HECW2: variants seen among roughly 807,000 people sequenced by gnomAD.
HECW2 encodes the protein E3 ubiquitin-protein ligase HECW2.
HECW2 carries 61 observed loss-of-function variants against 175.2 expected under a neutral mutation model. The ratio of observed to expected loss-of-function variants is 0.35; its 90% CI spans 0.28 to 0.43. The LOEUF (loss-of-function observed/expected upper bound fraction) is 0.43, where lower values mean the gene tolerates loss of function less well. Among genes scored for constraint, HECW2 ranks in the 20% least tolerant of loss-of-function variants. The pLI is 1.00. For synonymous variants in HECW2, 671 were observed against 731.0 expected (o/e 0.92, Z 1.32); for missense variants, 1,524 against 2,000.5 (o/e 0.76, Z 4.54).
chr2:196,319,452 A>T lies in HECW2; in HGVS notation c.1438T>A (p.Ser480Thr). The stretch of plus-strand genomic sequence containing the variant: ...AGGCCTCCCTCCTCCTCCAAGGAAG[A>T]TGGGTAACCCAGGTCTTGCTGGAAC... ...HEFQQDLGYP[S>T]SLEEEGGLIM... is the part of the protein sequence containing the mutation. Residue 480 changes from serine (S) to threonine (T), a missense_variant, in exon 9 of 29, where the codon TCT becomes ACT. Transcript: ENST00000644978. 1 of 1,614,006 alleles carries T rather than the reference A, an allele frequency of 6.2e-7. No homozygotes were observed. Among genetic ancestry groups the T allele is most frequent in the East Asian group, 2.2e-5 (1 of 44,872 alleles).
intron 1 of HECW2, among the ~76,000 whole-genome samples, chr2:196,587,171 G>C (rs1371306079): frequency 6.6e-6 from 1 of 152,146 alleles, no homozygotes; most frequent in East Asian, 1.9e-4. Flanking sequence ...ATTTTATAAA[G>C]GAAAGCATTA....
chr2:196,245,355 G>A (rs1424331466), intron 19 of HECW2, among the ~76,000 whole-genome samples: 1 of 152,180 alleles, frequency 6.6e-6, no homozygotes, highest in Admixed American at 6.5e-5. Context: ...TCCTGTCCAA[G>A]TCATATTCCA....
intron 3 of HECW2, among the ~76,000 whole-genome samples, chr2:196,338,027 T>A (rs1692616534): frequency 6.6e-6 from 1 of 152,202 alleles, no homozygotes; most frequent in Non-Finnish European, 1.5e-5. Context: ...AATTTTTGAC[T>A]TACTAATTTT....
chr2:196,241,751 G>A (rs575517948), intron 20 of HECW2, among the ~76,000 whole-genome samples: 2 of 152,286 alleles, frequency 1.3e-5, no homozygotes, highest in South Asian at 4.1e-4. Context: ...TTGCAGTGGA[G>A]GACATTGGGA....
At chr2:196,365,824 C>T (rs1472374317) in intron 2 of HECW2, among the ~76,000 whole-genome samples, 1 of 152,158 alleles carries the variant, frequency 6.6e-6, no homozygotes, top group East Asian at 1.9e-4. Context: ...TGTACACACA[C>T]TCATTTAATC....
chr2:196,418,665 C>T (rs1695326125), intron 2 of HECW2, among the ~76,000 whole-genome samples: 1 of 152,056 alleles, frequency 6.6e-6, no homozygotes, highest in Admixed American at 6.5e-5. Flanking sequence ...GAGTATAAAG[C>T]AGTAGACATA....
intron 1 of HECW2, among the ~76,000 whole-genome samples, chr2:196,491,489 C>G: frequency 8.6e-6 from 1 of 116,140 alleles, no homozygotes; most frequent in Admixed American, 7.9e-5. Context: ...TATATATACA[C>G]ATATATATAT....
intron 1 of HECW2, among the ~76,000 whole-genome samples, chr2:196,575,325 G>GTACC (rs150679810): frequency 1.2e-3 from 187 of 152,140 alleles, no homozygotes; most frequent in African/African-American, 4.2e-3. Context: ...ATGTAAACTG[G>GTACC]TACAGTCATT....
intron 10 of HECW2, among the ~76,000 whole-genome samples, chr2:196,310,523 A>C (rs1287709725): frequency 1.3e-5 from 2 of 152,182 alleles, no homozygotes; most frequent in African/African-American, 2.4e-5. Flanking sequence ...GTATCTATCA[A>C]AGTTACTTTG....
intron 17 of HECW2, among the ~76,000 whole-genome samples, chr2:196,268,110 A>T (rs1689585254): frequency 6.6e-6 from 1 of 152,256 alleles, no homozygotes; most frequent in African/African-American, 2.4e-5. Context: ...TATATAAAAC[A>T]GAATGTTCTC....
chr2:196,275,217 A>G lies in HECW2; in HGVS notation c.3136-1094T>C, dbSNP rs535100146. Among the ~76,000 whole-genome samples, 537 of 152,164 alleles carry G rather than the reference A, an allele frequency of 3.5e-3. 1 individual carries two copies. Among genetic ancestry groups the G allele is most frequent in the African/African-American group, 0.012 (490 of 41,506 alleles). ...CTCCTTCAAGCCCAAGTTAAATACA[A>G]CCTCCTCTGAGCTCCCACAGAACAA... is the stretch of plus-strand genomic sequence containing the variant. On this transcript the variant is annotated intron_variant, in intron 15 of 28. Coordinates refer to ENST00000644978, the MANE Select transcript of HECW2 (RefSeq NM_001348768.2).
intron 2 of HECW2, among the ~76,000 whole-genome samples, chr2:196,355,728 G>A (rs1693341199): frequency 6.6e-6 from 1 of 152,186 alleles, no homozygotes; most frequent in South Asian, 2.1e-4. Flanking sequence ...GATTTGGGTA[G>A]GAGTAAAAGA....
chr2:196,350,173 G>A (rs1441088979), intron 2 of HECW2, among the ~76,000 whole-genome samples: 1 of 152,098 alleles, frequency 6.6e-6, no homozygotes, highest in East Asian at 1.9e-4. Flanking sequence ...AGATCAGCCT[G>A]GCTAACATGG....
At position 196,537,762 on chromosome 2, in the gene HECW2, G is replaced by A. The variant is rs143033907; in HGVS notation, c.-36+55746C>T. Among the ~76,000 whole-genome samples the A allele has an allele frequency of 7.9e-3, 1,197 of 152,242 alleles. 14 individuals carry two copies. The highest frequency in any genetic ancestry group is 8.9e-3 in the Non-Finnish European group (606 of 68,014). ...AGACTTGGGAGTGTCCAGATATCCC[G>A]ATATCTGGAGAACAAAGGCATTCCC... is the stretch of plus-strand genomic sequence containing the variant. On this transcript the variant is annotated intron_variant, in intron 1 of 28. Transcript: ENST00000644978.
Position 196,199,075 on chromosome 2 carries a change from C to T in HECW2, c.*2202G>A, listed in dbSNP as rs533140044. On this transcript the variant is annotated 3_prime_UTR_variant, in exon 29 of 29. Transcript: ENST00000644978. ...AATACCATAACTAAATGTCTCAAACCAAAATGAAGGATAACATGGTCTTTG... is the reference window on the plus strand; with the variant it reads ...AATACCATAACTAAATGTCTCAAACTAAAATGAAGGATAACATGGTCTTTG... The T allele has an allele frequency of 4.3e-4, 65 of 152,374 alleles. No individual in the cohort carries two copies. The highest frequency in any genetic ancestry group is 1.5e-3 in the African/African-American group (63 of 41,472). The allele number at this position is 152,374 out of a possible 1,614,324, so 9.4% of individuals were successfully genotyped here.
chr2:196,227,514 C>T (rs1049690644), intron 22 of HECW2, among the ~76,000 whole-genome samples: 7 of 152,048 alleles, frequency 4.6e-5, no homozygotes, highest in African/African-American at 9.7e-5. Context: ...ATGGCTAATA[C>T]GGTAAGTGGC....
At chr2:196,563,053 T>C (rs1430606410) in intron 1 of HECW2, among the ~76,000 whole-genome samples, 1 of 151,998 alleles carries the variant, frequency 6.6e-6, no homozygotes, top group Non-Finnish European at 1.5e-5. Context: ...AGAAAAGTAC[T>C]AGCTTTGAGA....
intron 1 of HECW2, among the ~76,000 whole-genome samples, chr2:196,568,884 C>T (rs1690277953): frequency 6.6e-6 from 1 of 152,162 alleles, no homozygotes; most frequent in Admixed American, 6.6e-5. Context: ...CTGTAGCATC[C>T]CCAGCATCCA....
At chr2:196,244,552 C>T (rs1250766530) in intron 19 of HECW2, among the ~76,000 whole-genome samples, 1 of 152,080 alleles carries the variant, frequency 6.6e-6, no homozygotes, top group Non-Finnish European at 1.5e-5. Context: ...GACATGGCTG[C>T]CTGCCCCCCA....
Sources: gnomAD v4.1 joint callset for allele counts (sites outside exome capture counted in the v4.1 genomes callset) on GRCh38, gnomAD v4.1.1 for gene constraint, MANE v1.5 for transcripts, NCBI Gene and HGNC (gene_info 2026-07-23, HGNC 2026-07-21) for gene names.